The following MSI2 variants were observed in gnomAD, a reference collection of about 807,000 sequenced individuals.
MSI2 encodes RNA-binding protein Musashi homolog 2.
In MSI2, 17 loss-of-function variants were observed where a neutral mutation model predicts 45.6. That is an observed-to-expected ratio of 0.37 (90% CI 0.26 to 0.56). The LOEUF is 0.56. MSI2 is among the 20% of genes least tolerant of loss of function. The pLI is 0.77. For synonymous variants in MSI2, 156 were observed against 158.2 expected (o/e 0.99, Z 0.11); for missense variants, 293 against 444.2 (o/e 0.66, Z 3.06).
chr17:57,533,154 G>T (rs2086855003), intron 7 of MSI2, among the ~76,000 whole-genome samples: 1 of 152,152 alleles, frequency 6.6e-6, no homozygotes, highest in Non-Finnish European at 1.5e-5. Flanking sequence ...CTCTGTTGGG[G>T]CAGGGATGCC....
chr17:57,508,973 G>C lies in MSI2; in HGVS notation c.406-20703G>C, dbSNP rs117780147. On this transcript the variant is annotated intron_variant, in intron 6 of 13. Transcript: ENST00000284073. ...ATCTTCGATGAAAAATGGTTTCTGTGGTCCAAGTGAGAGGACCCCTGAGTC... is the reference window on the plus strand; with the variant it reads ...ATCTTCGATGAAAAATGGTTTCTGTCGTCCAAGTGAGAGGACCCCTGAGTC... Among the ~76,000 whole-genome samples, 25 of 152,286 alleles carry C rather than the reference G, an allele frequency of 1.6e-4. No individual in the cohort carries two copies. The East Asian group carries it at 4.2e-3, about 26-fold the overall frequency.
At chr17:57,295,766 TTTGTTC>T (rs1378413683) in intron 5 of MSI2, among the ~76,000 whole-genome samples, 2 of 152,182 alleles carry the variant, frequency 1.3e-5, no homozygotes, top group Non-Finnish European at 2.9e-5. Flanking sequence ...AGCTAAAGTA[TTTGTTC>T]TTGCTTTAAA....
At chr17:57,528,106 T>A (rs1861472) in intron 6 of MSI2, among the ~76,000 whole-genome samples, 50 of 150,840 alleles carry the variant, frequency 3.3e-4, no homozygotes, top group African/African-American at 1.1e-3. Context: ...TTACCCCCCC[T>A]ACAGCCACAC....
intron 6 of MSI2, among the ~76,000 whole-genome samples, chr17:57,430,253 C>G (rs1455045405): frequency 6.6e-6 from 1 of 152,140 alleles, no homozygotes; most frequent in South Asian, 2.1e-4. Context: ...CATTGTTTTG[C>G]TGCACAGTAA....
chr17:57,391,660 GAGT>G (rs2083793826), intron 5 of MSI2, among the ~76,000 whole-genome samples: 1 of 152,102 alleles, frequency 6.6e-6, no homozygotes, highest in Non-Finnish European at 1.5e-5. Flanking sequence ...CCCACTGCTG[GAGT>G]GACAGGCACA....
chr17:57,610,251 G>C (rs945678556), intron 8 of MSI2, among the ~76,000 whole-genome samples: 1 of 152,094 alleles, frequency 6.6e-6, no homozygotes, highest in East Asian at 1.9e-4. Flanking sequence ...AGGAGTTCGA[G>C]ACCAGCCTGG....
intron 6 of MSI2, among the ~76,000 whole-genome samples, chr17:57,441,113 G>A: frequency 6.6e-6 from 1 of 152,180 alleles, no homozygotes; most frequent in Admixed American, 6.5e-5. Context: ...ACTAATGTGA[G>A]GATGAAGTCT....
rs1045596493 is a variant in MSI2, at chr17:57,529,500, G to A, written c.406-176G>A. 1.6e-5 allele frequency among the ~76,000 whole-genome samples: 2 copies of A among 126,878 alleles called. No homozygotes were observed. The highest frequency in any genetic ancestry group is 7.2e-5 in the African/African-American group (2 of 27,846). 83.2% of individuals were successfully genotyped at this position (126,878 alleles called of 152,430 possible). On this transcript the variant is annotated intron_variant, in intron 6 of 13. Transcript: ENST00000284073. This position sits in a 1 kb window ranked among gnomAD's most constrained non-coding sequence, Gnocchi z 5.3. Reference sequence around the variant, plus strand: ...TGTTAACTGTATACAACGGTGTGGAGTGGAAAGACCACTGTTTTTTTTTCT... The same window carrying A: ...TGTTAACTGTATACAACGGTGTGGAATGGAAAGACCACTGTTTTTTTTTCT...
intron 11 of MSI2, among the ~76,000 whole-genome samples, chr17:57,672,649 A>G (rs1912885703): frequency 6.6e-6 from 1 of 152,212 alleles, no homozygotes; most frequent in Non-Finnish European, 1.5e-5. Flanking sequence ...TCCGTCTACC[A>G]CTGCGCCTCC....
intron 6 of MSI2, among the ~76,000 whole-genome samples, chr17:57,513,646 C>T (rs1053432454): frequency 2.0e-5 from 3 of 152,236 alleles, no homozygotes; most frequent in African/African-American, 7.2e-5. Context: ...TTTAAATTGA[C>T]AGCAGTTAGG....
chr17:57,316,313 T>G (rs538783810), intron 5 of MSI2, among the ~76,000 whole-genome samples: 1 of 151,230 alleles, frequency 6.6e-6, no homozygotes, highest in African/African-American at 2.4e-5. Flanking sequence ...AGGCCTAGGG[T>G]TATTGCTACT....
At chr17:57,464,015 G>GTA (rs1555609474) in intron 6 of MSI2, among the ~76,000 whole-genome samples, 12 of 128,276 alleles carry the variant, frequency 9.4e-5, no homozygotes, top group East Asian at 2.2e-4. Flanking sequence ...GTGTGTGTGT[G>GTA]TGTGTATGTG....
At chr17:57,376,540 G>A (rs997583782) in intron 5 of MSI2, among the ~76,000 whole-genome samples, 2 of 152,312 alleles carry the variant, frequency 1.3e-5, no homozygotes, top group Non-Finnish European at 1.5e-5. Flanking sequence ...CCCGTGTTCT[G>A]GAGTTGGAGA....
chr17:57,508,613 G>T (rs770547715), intron 6 of MSI2, among the ~76,000 whole-genome samples: 1 of 152,158 alleles, frequency 6.6e-6, no homozygotes, highest in African/African-American at 2.4e-5. Flanking sequence ...TCTTTGGAAG[G>T]CCTCTTCCAA....
At chr17:57,397,209 G>C (rs886332969) in intron 5 of MSI2, among the ~76,000 whole-genome samples, 10 of 152,204 alleles carry the variant, frequency 6.6e-5, no homozygotes, top group Admixed American at 1.3e-4. Flanking sequence ...CCTATCCTAG[G>C]AGGAAAACAG....
At chr17:57,338,578 A>T (rs778653576) in intron 5 of MSI2, among the ~76,000 whole-genome samples, 1 of 152,112 alleles carries the variant, frequency 6.6e-6, no homozygotes, top group Non-Finnish European at 1.5e-5. Flanking sequence ...TTGCTTGGGG[A>T]CCCTGAAGGC....
intron 7 of MSI2, among the ~76,000 whole-genome samples, chr17:57,583,492 T>TTTTTTTTC (rs1555627602): frequency 1.2e-4 from 14 of 112,624 alleles, no homozygotes; most frequent in African/African-American, 4.5e-4. Flanking sequence ...ATGTTTCTTT[T>TTTTTTTTC]TTTTTTTTTT....
At chr17:57,588,028 C>G (rs1052619017) in intron 7 of MSI2, among the ~76,000 whole-genome samples, 1 of 152,066 alleles carries the variant, frequency 6.6e-6, no homozygotes, top group African/African-American at 2.4e-5. Context: ...TGCGATGCCA[C>G]CCTAGAGGGG....
intron 4 of MSI2, among the ~76,000 whole-genome samples, chr17:57,259,413 G>T (rs564156291): frequency 6.6e-6 from 1 of 152,314 alleles, no homozygotes; most frequent in Non-Finnish European, 1.5e-5. Context: ...GTGGACCAAG[G>T]TGATCTTTCA....
Sources: allele counts gnomAD v4.1 joint callset (sites outside exome capture counted in the v4.1 genomes callset), GRCh38; gene constraint gnomAD v4.1.1; non-coding constraint Gnocchi (gnomAD v3.1); transcripts MANE v1.5; gene names NCBI Gene and HGNC (gene_info 2026-07-23, HGNC 2026-07-21).